The following RAB3C variants were observed in gnomAD, a reference collection of about 807,000 sequenced individuals.
RAB3C encodes the protein ras-related protein Rab-3C.
Under a neutral mutation model 26.4 loss-of-function variants are expected in RAB3C, and 17 were observed. The ratio of observed to expected loss-of-function variants is 0.64; its 90% CI spans 0.44 to 0.97. The LOEUF (loss-of-function observed/expected upper bound fraction) is 0.97. Among genes scored for constraint, RAB3C ranks in the 50% least tolerant of loss-of-function variants. The pLI, the probability that RAB3C is intolerant of heterozygous loss-of-function variation, is 0.00. For missense variants in RAB3C, 242 were observed against 281.9 expected (o/e 0.86, Z 1.01); for synonymous variants, 91 against 95.9 (o/e 0.95, Z 0.30).
chr5:58,681,934 C>T (rs774121891), intron 2 of RAB3C, among the ~76,000 whole-genome samples: 1 of 152,166 alleles, frequency 6.6e-6, no homozygotes, highest in Non-Finnish European at 1.5e-5. Flanking sequence ...AGATTTGAGG[C>T]TGTGCAAAGG....
At chr5:58,725,566 T>C (rs1231574608) in intron 2 of RAB3C, among the ~76,000 whole-genome samples, 1 of 151,914 alleles carries the variant, frequency 6.6e-6, no homozygotes, top group African/African-American at 2.4e-5. Context: ...AATTTTTAGA[T>C]TTGGTCATTT....
chr5:58,729,234 AT>A (rs1398148389), intron 3 of RAB3C, among the ~76,000 whole-genome samples: 1 of 151,796 alleles, frequency 6.6e-6, no homozygotes, highest in Non-Finnish European at 1.5e-5. Context: ...ATGCACTCTT[AT>A]TTTTTTCTCA....
chr5:58,810,029 G>T (rs1302108264), intron 3 of RAB3C, among the ~76,000 whole-genome samples: 2 of 152,192 alleles, frequency 1.3e-5, no homozygotes, highest in African/African-American at 4.8e-5. Flanking sequence ...CCAGGTATTT[G>T]TGGTGTTCCT....
At chr5:58,795,856 A>C (rs1446486555) in intron 3 of RAB3C, among the ~76,000 whole-genome samples, 2 of 2,270 alleles carry the variant, frequency 8.8e-4, no homozygotes, top group Non-Finnish European at 0.014. Context: ...AGGAAAAAAG[A>C]AGTGAAAAAA....
Position 58,731,609 on chromosome 5 carries a change from G to T in RAB3C, c.371+5489G>T, listed in dbSNP as rs559828168. 2.0e-5 allele frequency among the ~76,000 whole-genome samples: 3 copies of T among 152,266 alleles called. No individual in the cohort carries two copies. In the East Asian group the frequency reaches 5.8e-4, roughly 29 times the overall value. On this transcript the variant is annotated intron_variant, in intron 3 of 4. Transcript: ENST00000282878. ...GGAAGAGAGAGAACAAACATGGAGG[G>T]TGTTGGGATTTGCAAACTGATCTCT...
intron 2 of RAB3C, among the ~76,000 whole-genome samples, chr5:58,621,129 A>T (rs1746928851): frequency 6.6e-6 from 1 of 152,226 alleles, no homozygotes; most frequent in African/African-American, 2.4e-5. Context: ...CATTTATATT[A>T]TGTGTAAATA....
intron 2 of RAB3C, among the ~76,000 whole-genome samples, chr5:58,701,336 T>G (rs1338581466): frequency 6.6e-6 from 1 of 152,166 alleles, no homozygotes; most frequent in Non-Finnish European, 1.5e-5. Flanking sequence ...AATTCTGTTA[T>G]TCTTCAGGTG....
chr5:58,745,275 G>A (rs1486878169), intron 3 of RAB3C, among the ~76,000 whole-genome samples: 1 of 150,742 alleles, frequency 6.6e-6, no homozygotes, highest in Non-Finnish European at 1.5e-5. Context: ...GCGGGTGCCT[G>A]TGGTCCCAGC....
At chr5:58,638,337 A>T (rs1290387497) in intron 2 of RAB3C, among the ~76,000 whole-genome samples, 1 of 150,952 alleles carries the variant, frequency 6.6e-6, no homozygotes, top group Non-Finnish European at 1.5e-5. Context: ...ATTTTCATTG[A>T]TTTGTGAGGC....
intron 2 of RAB3C, among the ~76,000 whole-genome samples, chr5:58,642,717 T>G (rs939615890): frequency 2.0e-5 from 3 of 152,236 alleles, no homozygotes; most frequent in Admixed American, 1.3e-4. Flanking sequence ...ATATATGTAT[T>G]TCTTGATTGC....
Position 58,768,275 on chromosome 5 carries a change from C to A in RAB3C, c.371+42155C>A, listed in dbSNP as rs143969435. Among the ~76,000 whole-genome samples, 104 of 152,192 alleles carry A rather than the reference C, an allele frequency of 6.8e-4. 1 individual carries two copies. Among genetic ancestry groups the A allele is most frequent in the African/African-American group, 2.3e-3 (97 of 41,524 alleles). On this transcript the variant is annotated intron_variant, in intron 3 of 4. Transcript: ENST00000282878. ...TGACTCTTGATCCCAGCACTGCTTT[C>A]CCCCATAGCAATCACAATGGCACCA...
At chr5:58,623,028 T>G (rs1489726410) in intron 2 of RAB3C, among the ~76,000 whole-genome samples, 2 of 152,266 alleles carry the variant, frequency 1.3e-5, no homozygotes, top group Non-Finnish European at 2.9e-5. Flanking sequence ...TCTTATGACC[T>G]GTCCAAGATA....
intron 1 of RAB3C, among the ~76,000 whole-genome samples, chr5:58,594,867 T>TTA (rs1746214400): frequency 6.6e-6 from 1 of 150,930 alleles, no homozygotes; most frequent in Non-Finnish European, 1.5e-5. Context: ...TTTTTTTTTT[T>TTA]ACCCCAGTGG....
At chr5:58,656,084 C>A (rs781117487) in intron 2 of RAB3C, among the ~76,000 whole-genome samples, 7 of 152,030 alleles carry the variant, frequency 4.6e-5, no homozygotes, top group Non-Finnish European at 7.4e-5. Context: ...CGCGCCCGGC[C>A]CTAAACCTAA....
intron 3 of RAB3C, among the ~76,000 whole-genome samples, chr5:58,822,199 G>T (rs1561142197): frequency 6.6e-6 from 1 of 152,128 alleles, no homozygotes; most frequent in Non-Finnish European, 1.5e-5. Flanking sequence ...TTCAGTTTTT[G>T]AACTTTTAAT....
intron 2 of RAB3C, among the ~76,000 whole-genome samples, chr5:58,710,480 TCTC>T (rs1481356480): frequency 1.3e-5 from 2 of 151,976 alleles, no homozygotes; most frequent in East Asian, 3.9e-4. Flanking sequence ...ACGCCTGTAA[TCTC>T]AGCTACTCAA....
chr5:58,766,800 A>T (rs1741917232), intron 3 of RAB3C, among the ~76,000 whole-genome samples: 1 of 152,220 alleles, frequency 6.6e-6, no homozygotes, highest in Admixed American at 6.5e-5. Flanking sequence ...AATACCTGTT[A>T]GGGTTTAGAG....
rs1045861695 is a variant in RAB3C, at chr5:58,855,963, G to A, written c.*4612G>A. The A allele has an allele frequency of 9.2e-5, 14 of 152,074 alleles. No individual in the cohort carries two copies. The highest frequency in any genetic ancestry group is 2.0e-4 in the Admixed American group (3 of 15,262). 9.4% of individuals were successfully genotyped at this position (152,074 alleles called of 1,614,324 possible). ...TATTTACAGAAATGCTTGACACTCCGGTCAAATAATATTTCCCTTTGATAG... is the reference window on the plus strand; with the variant it reads ...TATTTACAGAAATGCTTGACACTCCAGTCAAATAATATTTCCCTTTGATAG... On this transcript the variant is annotated 3_prime_UTR_variant, in exon 5 of 5. Transcript: ENST00000282878.
At chr5:58,682,034 T>C (rs886999688) in intron 2 of RAB3C, among the ~76,000 whole-genome samples, 2 of 152,188 alleles carry the variant, frequency 1.3e-5, no homozygotes, top group African/African-American at 4.8e-5. Context: ...CAAGCTTTTG[T>C]AACTGATGTT....
Sources: allele counts gnomAD v4.1 joint callset (sites outside exome capture counted in the v4.1 genomes callset), GRCh38; gene constraint gnomAD v4.1.1; transcripts MANE v1.5; gene names NCBI Gene and HGNC (gene_info 2026-07-23, HGNC 2026-07-21).